Variants in CD1B observed in about 807,000 individuals in gnomAD.
The protein encoded by CD1B is T-cell surface glycoprotein CD1b.
Under a neutral mutation model 39.8 loss-of-function variants are expected in CD1B, and 43 were observed. The observed-to-expected ratio is 1.08, with a 90% CI of 0.85 to 1.39. CD1B has a LOEUF of 1.39. Among genes scored for constraint, CD1B ranks in the 40% most tolerant of loss-of-function variants. CD1B has a pLI of 0.00. For synonymous variants in CD1B, 192 were observed against 152.5 expected (o/e 1.26, Z -1.91); for missense variants, 495 against 403.8 (o/e 1.23, Z -1.94).
chr1:158,289,603 G>T, the CD1B span, among the ~76,000 whole-genome samples: 1 of 152,320 alleles, frequency 6.6e-6, no homozygotes, highest in South Asian at 2.1e-4. Context: ...GGAGTGATGA[G>T]AAGAGGGGAC....
At chr1:158,324,775 T>C (rs575278785), downstream of CD1B, among the ~76,000 whole-genome samples, 3 of 152,154 alleles carry the variant, frequency 2.0e-5, no homozygotes, top group Non-Finnish European at 4.4e-5. Context: ...ATTTCTAGTG[T>C]AGGGCAAGAA....
chr1:158,285,989 T>A, the CD1B span, among the ~76,000 whole-genome samples: 1 of 151,146 alleles, frequency 6.6e-6, no homozygotes, highest in Non-Finnish European at 1.5e-5. Flanking sequence ...CTGTGTGGGG[T>A]GGGAACATGA....
the CD1B span, among the ~76,000 whole-genome samples, chr1:158,299,000 C>T: frequency 1.3e-5 from 2 of 151,962 alleles, no homozygotes; most frequent in Non-Finnish European, 2.9e-5. Flanking sequence ...AATTAAATAC[C>T]CTTTATTTCT....
the CD1B span, chr1:158,293,288 G>A: frequency 1.9e-6 from 3 of 1,613,720 alleles, no homozygotes; most frequent in South Asian, 3.3e-5. Context: ...TTGTGTTATG[G>A]TTTAAGAAGC....
At position 158,328,160 on chromosome 1, in the gene CD1B, AT is replaced by A. The variant is rs1652429190; in HGVS notation, c.*75del. ...AAATTTGAAAATCATTTGAAATATG[AT>A]AAGATTGACTTTTGGGCTGATATCT... is the stretch of plus-strand genomic sequence containing the variant. On this transcript the variant is annotated 3_prime_UTR_variant, in exon 6 of 6. Coordinates refer to ENST00000368168, the MANE Select transcript of CD1B (RefSeq NM_001764.3). The A allele has an allele frequency of 1.9e-6, 2 of 1,055,096 alleles. No individual in the cohort carries two copies. Among genetic ancestry groups the A allele is most frequent in the Non-Finnish European group, 2.9e-6 (2 of 693,654 alleles). The allele number at this position is 1,055,096 out of a possible 1,614,324, so 65.4% of individuals were successfully genotyped here. A position where few individuals can be genotyped will look rare whatever the true frequency, so the allele number is the denominator to read the frequency against.
At chr1:158,306,954 A>C in the CD1B span, among the ~76,000 whole-genome samples, 5 of 152,220 alleles carry the variant, frequency 3.3e-5, no homozygotes, top group African/African-American at 7.2e-5. Context: ...AATTTATAGC[A>C]CTAAATGCCC....
chr1:158,328,074 C>A lies in CD1B; in HGVS notation c.*162G>T, dbSNP rs11583390. ...CATAATAAATTTACAGTTTTAAGTA[C>A]TTTTTTGCTGATGTTTAAATAATAA... On this transcript the variant is annotated 3_prime_UTR_variant, in exon 6 of 6. Coordinates refer to ENST00000368168, the MANE Select transcript of CD1B (RefSeq NM_001764.3). The A allele has an allele frequency of 0.042, 25,526 of 607,354 alleles. 645 individuals carry two copies. The highest frequency in any genetic ancestry group is 0.052 in the East Asian group (1,851 of 35,410). The allele number at this position is 607,354 out of a possible 1,614,324, so 37.6% of individuals were successfully genotyped here. A position where few individuals can be genotyped will look rare whatever the true frequency, so the allele number is the denominator to read the frequency against.
chr1:158,322,835 C>T, the CD1B span, among the ~76,000 whole-genome samples: 1 of 152,116 alleles, frequency 6.6e-6, no homozygotes, highest in Non-Finnish European at 1.5e-5. Flanking sequence ...CACTTTTTGG[C>T]CTGCAAGGTT....
At chr1:158,299,437 TG>T in the CD1B span, among the ~76,000 whole-genome samples, 1 of 152,228 alleles carries the variant, frequency 6.6e-6, no homozygotes, top group Non-Finnish European at 1.5e-5. Flanking sequence ...CTGAGGATTT[TG>T]CATCAGTGTT....
the CD1B span, chr1:158,292,061 T>C: frequency 6.3e-7 from 1 of 1,590,784 alleles, no homozygotes; most frequent in Non-Finnish European, 8.5e-7. Context: ...TGAACTCTTT[T>C]TCTCATTCCT....
the CD1B span, among the ~76,000 whole-genome samples, chr1:158,304,718 A>C: frequency 6.6e-6 from 1 of 152,198 alleles, no homozygotes; most frequent in African/African-American, 2.4e-5. Flanking sequence ...CTCACACGGC[A>C]GGGTACTCCT....
the CD1B span, among the ~76,000 whole-genome samples, chr1:158,321,132 C>T: frequency 1.1e-4 from 17 of 152,252 alleles, no homozygotes; most frequent in African/African-American, 2.6e-4. Flanking sequence ...TTGTATTGTA[C>T]GCTATATCTC....
the CD1B span, among the ~76,000 whole-genome samples, chr1:158,303,573 T>C: frequency 6.6e-6 from 1 of 152,198 alleles, no homozygotes; most frequent in Non-Finnish European, 1.5e-5. Flanking sequence ...TTTTAGTTAA[T>C]CTTCAAGGTA....
Position 158,328,212 on chromosome 1 carries a change from T to A in CD1B, c.*24A>T, listed in dbSNP as rs925715433. The A allele has an allele frequency of 2.4e-5, 39 of 1,598,206 alleles. No homozygotes were observed. Among genetic ancestry groups the A allele is most frequent in the Non-Finnish European group, 3.3e-5 (39 of 1,167,452 alleles). On this transcript the variant is annotated 3_prime_UTR_variant, in exon 6 of 6. Coordinates refer to ENST00000368168, the MANE Select transcript of CD1B (RefSeq NM_001764.3). Reference sequence around the variant, plus strand: ...TGGGCTTCTTGGTACTTATTGCGAATGGGAGAGGAGACATGATGATGGCTC... The same window carrying A: ...TGGGCTTCTTGGTACTTATTGCGAAAGGGAGAGGAGACATGATGATGGCTC...
chr1:158,323,714 T>C (rs1652263584), downstream of CD1B, among the ~76,000 whole-genome samples: 1 of 152,220 alleles, frequency 6.6e-6, no homozygotes, highest in Non-Finnish European at 1.5e-5. Context: ...GAGGAAACTC[T>C]AAGCCTAGGT....
At chr1:158,298,147 G>GA in the CD1B span, among the ~76,000 whole-genome samples, 2 of 152,076 alleles carry the variant, frequency 1.3e-5, no homozygotes, top group African/African-American at 2.4e-5. Flanking sequence ...AAAGGACATA[G>GA]AAAAACATTA....
the CD1B span, chr1:158,292,948 T>A: frequency 1.1e-5 from 16 of 1,435,754 alleles, no homozygotes; most frequent in Non-Finnish European, 1.5e-5. Context: ...ATTTTGAGGA[T>A]AGCAGACCTA....
the CD1B span, among the ~76,000 whole-genome samples, chr1:158,314,437 T>G: frequency 2.8e-3 from 419 of 152,274 alleles, 1 homozygote; most frequent in Non-Finnish European, 4.0e-3. Context: ...TGTGTTGTTT[T>G]TTAAGGCTCT....
chr1:158,316,992 A>T, the CD1B span, among the ~76,000 whole-genome samples: 1 of 151,408 alleles, frequency 6.6e-6, no homozygotes, highest in African/African-American at 2.4e-5. Flanking sequence ...CCAGCCTTGC[A>T]TCCCAGGGAT....
Sources: allele counts gnomAD v4.1 joint callset (sites outside exome capture counted in the v4.1 genomes callset), GRCh38; gene constraint gnomAD v4.1.1; transcripts MANE v1.5; gene names NCBI Gene and HGNC (gene_info 2026-07-23, HGNC 2026-07-21).